RBMS3: variants seen among roughly 807,000 people sequenced by gnomAD.
RBMS3 encodes the protein RNA binding motif single stranded interacting protein 3, also known as RNA-binding motif, single-stranded-interacting protein 3.
RBMS3 carries 27 observed loss-of-function variants against 66.8 expected under a neutral mutation model. The ratio of observed to expected loss-of-function variants is 0.40; its 90% confidence interval spans 0.30 to 0.56. RBMS3 has a LOEUF of 0.56. RBMS3 is among the 20% of genes least tolerant of loss of function. The probability of loss-of-function intolerance (pLI) is 0.40; values close to 1 mark genes in which losing one functional copy is unlikely to be tolerated. For synonymous variants in RBMS3, 188 were observed against 183.0 expected, an observed-to-expected ratio of 1.03 and a Z score of -0.22; for missense variants, 513 against 549.5, an observed-to-expected ratio of 0.93 and a Z score of 0.66.
At chr3:29,703,764 T>C (rs1201990644) in intron 4 of RBMS3, among the ~76,000 whole-genome samples, 1 of 152,196 alleles carries the variant, frequency 6.6e-6, no homozygotes, top group African/African-American at 2.4e-5. Flanking sequence ...ATTCATTTAA[T>C]CCAGGGATCC....
At chr3:29,610,943 CCTT>C (rs2048472944) in intron 4 of RBMS3, among the ~76,000 whole-genome samples, 2 of 152,144 alleles carry the variant, frequency 1.3e-5, no homozygotes, top group Admixed American at 1.3e-4. Flanking sequence ...AAAAAATCAT[CCTT>C]CTTCTTATAC....
intron 12 of RBMS3, among the ~76,000 whole-genome samples, chr3:29,960,707 C>T (rs993313813): frequency 2.0e-5 from 3 of 152,160 alleles, no homozygotes; most frequent in Non-Finnish European, 4.4e-5. Context: ...CTTGTGTGCA[C>T]CTGCAGGCTC....
intron 2 of RBMS3, among the ~76,000 whole-genome samples, chr3:29,450,543 C>A (rs1448722326): frequency 1.3e-5 from 2 of 152,150 alleles, no homozygotes; most frequent in Non-Finnish European, 2.9e-5. Context: ...ATTTTAGTCA[C>A]AGTGGTTTCA....
At chr3:29,529,554 G>A (rs1304460584) in intron 3 of RBMS3, among the ~76,000 whole-genome samples, 2 of 152,118 alleles carry the variant, frequency 1.3e-5, no homozygotes, top group African/African-American at 4.8e-5. Flanking sequence ...AAAGAGAGCA[G>A]AAACTCAGAT....
At chr3:29,738,250 A>G (rs1342535388) in intron 4 of RBMS3, among the ~76,000 whole-genome samples, 1 of 152,154 alleles carries the variant, frequency 6.6e-6, no homozygotes, top group African/African-American at 2.4e-5. Flanking sequence ...TTTTCACAAA[A>G]GATATTTTAC....
chr3:29,994,982 G>A (rs991885650), intron 14 of RBMS3, among the ~76,000 whole-genome samples: 2 of 152,290 alleles, frequency 1.3e-5, no homozygotes, highest in East Asian at 3.9e-4. Flanking sequence ...TCTGAGCTAT[G>A]GGAGGACATT....
At chr3:29,370,336 G>A (rs1057174474) in intron 1 of RBMS3, among the ~76,000 whole-genome samples, 2 of 152,322 alleles carry the variant, frequency 1.3e-5, no homozygotes, top group East Asian at 3.9e-4. Context: ...TTCACAGAAA[G>A]TTCTGTTCAG....
intron 6 of RBMS3, among the ~76,000 whole-genome samples, chr3:29,831,002 A>G (rs1238847310): frequency 3.9e-5 from 6 of 152,180 alleles, no homozygotes; most frequent in Non-Finnish European, 8.8e-5. Flanking sequence ...AAGCCATTTC[A>G]GTAATGCAAT....
intron 3 of RBMS3, among the ~76,000 whole-genome samples, chr3:29,574,970 T>C (rs79462058): frequency 0.012 from 1,824 of 152,242 alleles, 40 homozygotes; most frequent in African/African-American, 0.041. Flanking sequence ...AATGCAATTG[T>C]AGTTATTGTT....
At chr3:29,423,963 A>G (rs1224323915) in intron 1 of RBMS3, among the ~76,000 whole-genome samples, 1 of 152,202 alleles carries the variant, frequency 6.6e-6, no homozygotes, top group Non-Finnish European at 1.5e-5. Context: ...CTCTTCTTCA[A>G]CATAGAGATA....
intron 1 of RBMS3, among the ~76,000 whole-genome samples, chr3:29,418,499 T>C (rs1211839858): frequency 6.6e-6 from 1 of 152,128 alleles, no homozygotes; most frequent in Non-Finnish European, 1.5e-5. Context: ...AGATTCAGGA[T>C]GAATAGACAG....
chr3:29,663,756 T>A (rs1274957126), intron 4 of RBMS3, among the ~76,000 whole-genome samples: 6 of 151,774 alleles, frequency 4.0e-5, no homozygotes, highest in African/African-American at 7.3e-5. Flanking sequence ...GTTTCTTTTT[T>A]AAAAAAAAAT....
chr3:29,689,420 T>C (rs1475800186), intron 4 of RBMS3, among the ~76,000 whole-genome samples: 1 of 152,160 alleles, frequency 6.6e-6, no homozygotes, highest in East Asian at 1.9e-4. Context: ...GGTTTTAAGC[T>C]TAATTTTGTG....
At chr3:29,551,803 A>G (rs985382185) in intron 3 of RBMS3, among the ~76,000 whole-genome samples, 1 of 152,210 alleles carries the variant, frequency 6.6e-6, no homozygotes, top group Non-Finnish European at 1.5e-5. Context: ...AGTAAAAGGA[A>G]TTATCATCAC....
At chr3:29,377,568 C>T (rs187989602) in intron 1 of RBMS3, among the ~76,000 whole-genome samples, 13 of 152,330 alleles carry the variant, frequency 8.5e-5, no homozygotes, top group Non-Finnish European at 1.8e-4. Flanking sequence ...TTCAAGATTG[C>T]ATGCCCCTCT....
chr3:29,961,587 C>T (rs1696450867), intron 12 of RBMS3, among the ~76,000 whole-genome samples: 1 of 152,106 alleles, frequency 6.6e-6, no homozygotes, highest in Admixed American at 6.5e-5. Flanking sequence ...CACAGTTCTG[C>T]AGGACTGGGG....
At chr3:29,575,029 C>T (rs914458274) in intron 3 of RBMS3, among the ~76,000 whole-genome samples, 1 of 152,052 alleles carries the variant, frequency 6.6e-6, no homozygotes, top group Non-Finnish European at 1.5e-5. Context: ...AGTTTACACA[C>T]CACAATTATA....
chr3:29,635,968 A>C (rs17024016), intron 4 of RBMS3, among the ~76,000 whole-genome samples: 2,343 of 151,736 alleles, frequency 0.015, 68 homozygotes, highest in African/African-American at 0.054. Context: ...ACAATACCAT[A>C]AGGCCACTGT....
intron 2 of RBMS3, among the ~76,000 whole-genome samples, chr3:29,467,034 G>A (rs2042567733): frequency 6.6e-6 from 1 of 152,098 alleles, no homozygotes; most frequent in African/African-American, 2.4e-5. Context: ...AGGCTATGGG[G>A]AAATTTTGGC....
Sources: allele counts gnomAD v4.1 joint callset (sites outside exome capture counted in the v4.1 genomes callset), GRCh38; gene constraint gnomAD v4.1.1; transcripts MANE v1.5; gene names NCBI Gene and HGNC (gene_info 2026-07-23, HGNC 2026-07-21).